The following NLGN4Y variants were observed in gnomAD, a reference collection of about 807,000 sequenced individuals.
NLGN4Y encodes neuroligin 4 Y-linked.
In NLGN4Y, 4 loss-of-function variants were observed where a neutral mutation model predicts 8.4. The observed-to-expected ratio is 0.48, with a 90% CI of 0.23 to 1.09. NLGN4Y has a LOEUF of 1.09. Among genes scored for constraint, NLGN4Y ranks in the 50% least tolerant of loss-of-function variants. The pLI is 0.19. For missense variants in NLGN4Y, 90 were observed against 192.3 expected (o/e 0.47, Z 3.15); for synonymous variants, 35 against 75.6 (o/e 0.46, Z 2.78).
At chrY:14,794,547 A>G in intron 4 of NLGN4Y, among the ~76,000 whole-genome samples, 1 of 33,447 alleles carries the variant, frequency 3.0e-5, no homozygotes, top group Non-Finnish European at 7.4e-5. Flanking sequence ...ACCACACCCT[A>G]TGGTTATTCC....
intron 6 of NLGN4Y, among the ~76,000 whole-genome samples, chrY:14,831,361 T>A: frequency 3.1e-5 from 1 of 31,873 alleles, no homozygotes; most frequent in Non-Finnish European, 7.5e-5. Context: ...AGAAACAGGA[T>A]TTTGCTATGT....
At chrY:14,528,794 C>T in intron 1 of NLGN4Y, among the ~76,000 whole-genome samples, 2 of 33,359 alleles carry the variant, frequency 6.0e-5, no homozygotes, top group Non-Finnish European at 1.5e-4. Flanking sequence ...GAATACATTT[C>T]GAAGAGAGAA....
chrY:14,824,097 G>T, intron 4 of NLGN4Y, 91 bp from the exon 5 acceptor site: 1 of 293,106 alleles, frequency 3.4e-6, no homozygotes, highest in Non-Finnish European at 5.2e-6. Flanking sequence ...GAGAGAGAAT[G>T]AAGAAGGCAA....
At chrY:14,531,201 T>A in intron 1 of NLGN4Y, among the ~76,000 whole-genome samples, 2 of 33,081 alleles carry the variant, frequency 6.0e-5, no homozygotes, top group Non-Finnish European at 1.5e-4. Context: ...GACAAAATAG[T>A]TTTATTTGCA....
At chrY:14,559,554 CTGTT>C (rs2080220556) in intron 1 of NLGN4Y, among the ~76,000 whole-genome samples, 1 of 32,878 alleles carries the variant, frequency 3.0e-5, no homozygotes, top group African/African-American at 1.2e-4. Flanking sequence ...TATCAAGTGT[CTGTT>C]TGGTTGGTCT....
At chrY:14,623,858 C>T (rs2080519387) in intron 2 of NLGN4Y, among the ~76,000 whole-genome samples, 1 of 33,318 alleles carries the variant, frequency 3.0e-5, no homozygotes, top group Non-Finnish European at 7.4e-5. Flanking sequence ...GACCCTGCTT[C>T]ATCATATTAG....
intron 1 of NLGN4Y, among the ~76,000 whole-genome samples, chrY:14,590,631 GC>G (rs2080367529): frequency 3.0e-5 from 1 of 33,480 alleles, no homozygotes; most frequent in African/African-American, 1.2e-4. Context: ...AAAATACAGG[GC>G]CCAAAGGCGA....
At chrY:14,635,295 TAATA>T (rs2080561914) in intron 2 of NLGN4Y, among the ~76,000 whole-genome samples, 1 of 33,251 alleles carries the variant, frequency 3.0e-5, no homozygotes, top group African/African-American at 1.2e-4. Flanking sequence ...TAAAAATTAT[TAATA>T]AATAAATCAT....
intron 1 of NLGN4Y, among the ~76,000 whole-genome samples, chrY:14,571,283 G>A (rs951324629): frequency 9.0e-5 from 3 of 33,219 alleles, no homozygotes; most frequent in African/African-American, 3.5e-4. Flanking sequence ...TTTAATATTC[G>A]CCATTCTAAT....
intron 1 of NLGN4Y, among the ~76,000 whole-genome samples, chrY:14,527,158 G>A: frequency 3.0e-5 from 1 of 33,563 alleles, no homozygotes; most frequent in African/African-American, 1.2e-4. Flanking sequence ...GTGCATGACC[G>A]AATGACCTTT....
At chrY:14,725,758 G>A (rs975039195) in intron 4 of NLGN4Y, among the ~76,000 whole-genome samples, 1 of 33,683 alleles carries the variant, frequency 3.0e-5, no homozygotes, top group Admixed American at 2.7e-4. Context: ...CTGTGTCATA[G>A]CCTTCTCTTT....
chrY:14,606,363 G>C, intron 1 of NLGN4Y, among the ~76,000 whole-genome samples: 1 of 32,883 alleles, frequency 3.0e-5, no homozygotes, highest in Admixed American at 2.8e-4. Context: ...ACAGGGGAGG[G>C]TGCTCTTTCT....
At chrY:14,595,290 C>T in intron 1 of NLGN4Y, among the ~76,000 whole-genome samples, 1 of 32,606 alleles carries the variant, frequency 3.1e-5, no homozygotes, top group Non-Finnish European at 7.5e-5. Context: ...TTGCTTGTTT[C>T]CTTCCGGGCA....
chrY:14,633,149 G>A (rs2150512413), intron 2 of NLGN4Y, among the ~76,000 whole-genome samples: 2 of 33,472 alleles, frequency 6.0e-5, no homozygotes, highest in Admixed American at 5.5e-4. Flanking sequence ...GAAATTGTCA[G>A]AGATAGAAAC....
At chrY:14,713,619 G>T in intron 2 of NLGN4Y, among the ~76,000 whole-genome samples, 2 of 33,419 alleles carry the variant, frequency 6.0e-5, no homozygotes, top group Non-Finnish European at 7.4e-5. Flanking sequence ...CTAATTTTTT[G>T]TGAATTTTGT....
At chrY:14,591,514 C>T (rs2080371691) in intron 1 of NLGN4Y, among the ~76,000 whole-genome samples, 1 of 32,915 alleles carries the variant, frequency 3.0e-5, no homozygotes, top group Non-Finnish European at 7.5e-5. Flanking sequence ...ATTGGTCATG[C>T]AGGGAGTATG....
intron 4 of NLGN4Y, 128 bp downstream of exon 4, chrY:14,723,397 T>C: frequency 5.2e-6 from 1 of 192,857 alleles, no homozygotes; most frequent in African/African-American, 8.3e-5. Context: ...TTACGGTATT[T>C]ACTTTATGTT....
At chrY:14,666,082 T>A in intron 2 of NLGN4Y, among the ~76,000 whole-genome samples, 1 of 33,371 alleles carries the variant, frequency 3.0e-5, no homozygotes, top group Non-Finnish European at 7.4e-5. Flanking sequence ...GTTATTTATA[T>A]AGTTTATTTG....
At chrY:14,675,574 G>T in intron 2 of NLGN4Y, among the ~76,000 whole-genome samples, 1 of 32,711 alleles carries the variant, frequency 3.1e-5, no homozygotes, top group Non-Finnish European at 7.5e-5. Flanking sequence ...AGATCTTAGT[G>T]TTGGTTTGCA....
Sources: gnomAD v4.1 joint callset for allele counts (sites outside exome capture counted in the v4.1 genomes callset) on GRCh38, gnomAD v4.1.1 for gene constraint, MANE v1.5 for transcripts, NCBI Gene and HGNC (gene_info 2026-07-23, HGNC 2026-07-21) for gene names.